Variants in KLHL5 observed in about 807,000 individuals in gnomAD.
KLHL5 encodes the protein kelch-like protein 5.
A neutral mutation model predicts 77.7 loss-of-function variants in KLHL5; 48 were observed. That is an observed-to-expected ratio of 0.62 (90% CI 0.49 to 0.79). KLHL5 has a LOEUF of 0.79. Ranked by LOEUF, KLHL5 falls within the 30% of genes least tolerant of loss-of-function variation. The pLI is 0.00. For synonymous variants in KLHL5, 260 were observed against 297.0 expected, an observed-to-expected ratio of 0.88 and a Z score of 1.28; for missense variants, 723 against 859.7, an observed-to-expected ratio of 0.84 and a Z score of 1.99.
chr4:39,057,903 A>T (rs1717113577), upstream of KLHL5, among the ~76,000 whole-genome samples: 1 of 152,230 alleles, frequency 6.6e-6, no homozygotes, highest in South Asian at 2.1e-4. Flanking sequence ...GAGTGAAGAC[A>T]TAGCTTTAAA....
upstream of KLHL5, among the ~76,000 whole-genome samples, chr4:39,058,677 C>T (rs1013170369): frequency 6.6e-6 from 1 of 151,924 alleles, no homozygotes; most frequent in Non-Finnish European, 1.5e-5. Flanking sequence ...AAATTAGATT[C>T]TTTATTTTAT....
intron 8 of KLHL5, chr4:39,112,584 T>A (rs543613969): frequency 1.2e-5 from 2 of 173,192 alleles, no homozygotes; most frequent in South Asian, 2.7e-4. Context: ...TCGGTACATG[T>A]GAAGTGCCTA....
the KLHL5 span, among the ~76,000 whole-genome samples, chr4:39,136,937 T>A: frequency 4.6e-5 from 7 of 152,242 alleles, no homozygotes; most frequent in African/African-American, 1.7e-4. Context: ...AACATGGGCA[T>A]CTGGGCCGGA....
chr4:39,048,638 C>CTTTTTTTTTTTTTTTTTTTTTT lies in KLHL5; in HGVS notation c.-95+3563_-95+3564insTTTTTTTTTTTTTTTTTTTTTT, dbSNP rs34713116. ...AAAGGATGTGGTGATTTTACATTGGCTTTTTTTTTTTTTTTTTTTTTGGAG... is the reference window on the plus strand; with the variant it reads ...AAAGGATGTGGTGATTTTACATTGGCTTTTTTTTTTTTTTTTTTTTTTTTTTTTTTTTTTTTTTTTTTTGGAG... On this transcript the variant is annotated intron_variant, in intron 1 of 11. Transcript: ENST00000261425. Among the ~76,000 whole-genome samples, 7 of 79,142 alleles carry CTTTTTTTTTTTTTTTTTTTTTT rather than the reference C, an allele frequency of 8.8e-5. 1 individual carries two copies. The highest frequency in any genetic ancestry group is 3.8e-4 in the African/African-American group (7 of 18,592). 51.9% of individuals were successfully genotyped at this position (79,142 alleles called of 152,430 possible). A position where few individuals can be genotyped will look rare whatever the true frequency, so the allele number is the denominator to read the frequency against.
the KLHL5 span, among the ~76,000 whole-genome samples, chr4:39,134,491 T>C: frequency 1.7e-4 from 26 of 152,364 alleles, no homozygotes; most frequent in South Asian, 5.4e-3. Flanking sequence ...TGTATGACCT[T>C]AGAGCCTTTT....
At chr4:39,097,973 A>C (rs1721215305) in intron 6 of KLHL5, among the ~76,000 whole-genome samples, 1 of 151,828 alleles carries the variant, frequency 6.6e-6, no homozygotes, top group South Asian at 2.1e-4. Flanking sequence ...TCTATCAAAA[A>C]TACAAAAAAA....
rs1010367846 is a variant in KLHL5, at chr4:39,123,774, T to A, written c.*2708T>A. Among the ~76,000 whole-genome samples, 2 of 151,988 alleles carry A rather than the reference T, an allele frequency of 1.3e-5. No individual in the cohort carries two copies. Among genetic ancestry groups the A allele is most frequent in the African/African-American group, 4.8e-5 (2 of 41,392 alleles). On this transcript the variant is annotated 3_prime_UTR_variant, in exon 11 of 11. Coordinates refer to ENST00000504108, the MANE Select transcript of KLHL5 (RefSeq NM_015990.5). ...CAACATAATAGCAAAACATTGAAAA[T>A]TTTTCCCCTAATATCATGAAAATTC...
chr4:39,116,068 T>C (rs4565082), intron 10 of KLHL5: 559,640 of 979,924 alleles, frequency 0.57, 161,370 homozygotes, highest in Admixed American at 0.59. Flanking sequence ...CATGGTGGCT[T>C]ATGCCTATAA....
At chr4:39,129,008 C>T (rs1723687188), downstream of KLHL5, among the ~76,000 whole-genome samples, 1 of 151,688 alleles carries the variant, frequency 6.6e-6, no homozygotes, top group African/African-American at 2.4e-5. This position sits in a 1 kb window ranked among gnomAD's most constrained non-coding sequence, Gnocchi z 4.2. Context: ...ATAAAATTGC[C>T]AAAGATGCAA....
intron 8 of KLHL5, 120 bp from the exon 9 acceptor site, chr4:39,112,900 C>A: frequency 1.3e-6 from 1 of 770,870 alleles, no homozygotes; most frequent in Non-Finnish European, 2.1e-6. Flanking sequence ...CACACATTGA[C>A]AGTGTGTTTT....
intron 1 of KLHL5, 91 bp downstream of exon 1, chr4:39,063,126 A>G (rs2109295443): frequency 1.1e-6 from 1 of 881,142 alleles, no homozygotes; most frequent in African/African-American, 1.7e-5. Flanking sequence ...TTAAAATCTG[A>G]TTATATATGT....
Position 39,124,489 on chromosome 4 carries a change from A to G in KLHL5, c.*3423A>G, listed in dbSNP as rs960334073. Among the ~76,000 whole-genome samples the G allele has an allele frequency of 2.6e-5, 4 of 152,170 alleles. No homozygotes were observed. Among genetic ancestry groups the G allele is most frequent in the African/African-American group, 9.6e-5 (4 of 41,452 alleles). On this transcript the variant is annotated 3_prime_UTR_variant, in exon 11 of 11. Transcript: ENST00000504108. ...TATATAAAGCAATAGAGTAGAATGG[A>G]AAGTCCAGAAACAAATTACGCCAAT...
At chr4:39,050,864 A>AACT (rs1255833015) in intron 1 of KLHL5, among the ~76,000 whole-genome samples, 2 of 152,236 alleles carry the variant, frequency 1.3e-5, no homozygotes, top group Admixed American at 6.5e-5. Context: ...TGACTTAAGT[A>AACT]ACTACGATAT....
At chr4:39,090,230 A>G (rs1318577690) in intron 5 of KLHL5, among the ~76,000 whole-genome samples, 1 of 152,182 alleles carries the variant, frequency 6.6e-6, no homozygotes, top group East Asian at 1.9e-4. Flanking sequence ...GTTTACCAAG[A>G]GAATTTATTT....
upstream of KLHL5, among the ~76,000 whole-genome samples, chr4:39,060,121 T>C (rs1209807996): frequency 6.6e-6 from 1 of 152,124 alleles, no homozygotes; most frequent in East Asian, 1.9e-4. Flanking sequence ...TTAAAAAGAT[T>C]ATTAATTTAT....
chr4:39,101,877 T>TACAC (rs57547974), intron 6 of KLHL5, among the ~76,000 whole-genome samples: 7,394 of 108,468 alleles, frequency 0.068, 837 homozygotes, highest in African/African-American at 0.23. Flanking sequence ...TATATATATA[T>TACAC]ACACACACAC....
chr4:39,096,570 A>G, intron 5 of KLHL5, 122 bp from the exon 6 acceptor site: 1 of 634,780 alleles, frequency 1.6e-6, no homozygotes, highest in Non-Finnish European at 2.7e-6. Flanking sequence ...AGTTAAAAAT[A>G]TGTGCCTATG....
chr4:39,059,031 TTAA>T (rs1251233542), upstream of KLHL5, among the ~76,000 whole-genome samples: 1 of 152,060 alleles, frequency 6.6e-6, no homozygotes, highest in Non-Finnish European at 1.5e-5. Flanking sequence ...TTTTGATAAT[TTAA>T]TAATGTAATG....
At chr4:39,088,382 T>C (rs1319988173) in intron 5 of KLHL5, among the ~76,000 whole-genome samples, 3 of 152,218 alleles carry the variant, frequency 2.0e-5, no homozygotes, top group African/African-American at 7.2e-5. Flanking sequence ...TAAATCCATA[T>C]GTTCAAAATT....
Sources: gnomAD v4.1 joint callset for allele counts (sites outside exome capture counted in the v4.1 genomes callset) on GRCh38, gnomAD v4.1.1 for gene constraint, Gnocchi (gnomAD v3.1) non-coding constraint, MANE v1.5 for transcripts, NCBI Gene and HGNC (gene_info 2026-07-23, HGNC 2026-07-21) for gene names.